The following ERCC2 variants were observed in gnomAD, a reference collection of about 807,000 sequenced individuals.
ERCC2 encodes the protein ERCC excision repair 2, TFIIH core complex helicase subunit.
In ERCC2, 90 loss-of-function variants were observed where a neutral mutation model predicts 99.4. That is an observed-to-expected ratio of 0.91 (90% CI 0.76 to 1.08). The LOEUF (loss-of-function observed/expected upper bound fraction) is 1.08, where lower values mean the gene tolerates loss of function less well. Among genes scored for constraint, ERCC2 ranks in the 50% least tolerant of loss-of-function variants. The probability of loss-of-function intolerance (pLI) is 0.00; values close to 1 mark genes in which losing one functional copy is unlikely to be tolerated. For missense variants in ERCC2, 993 were observed against 1,038.1 expected, an observed-to-expected ratio of 0.96 and a Z score of 0.60; for synonymous variants, 497 against 432.4, an observed-to-expected ratio of 1.15 and a Z score of -1.85.
chr19:45,361,939 CTTTTT>C, intron 11 of ERCC2: 1 of 382,980 alleles, frequency 2.6e-6, no homozygotes, highest in Non-Finnish European at 5.0e-6. Context: ...TTTTCTTTTT[CTTTTT>C]TTTCTTTGTT....
Position 45,364,480 on chromosome 19 carries a change from A to C in ERCC2, c.662T>G (p.Val221Gly). Reference protein sequence around the residue: ...YLLDPKIADLVSKELARKAVV... With the variant: ...YLLDPKIADLGSKELARKAVV... ...GGCCTTGCGGGCCAGTTCCTTGGAC[A>C]CCAGGTCTGCAATCTTGGGGTCCAG... The change falls in exon 8 of 23, where the codon GTG (valine) becomes GGG (glycine). Residue 221 changes from valine to glycine, a missense_variant. By Grantham distance (109) the Val-to-Gly change is moderately radical. Transcript: ENST00000391945. 6.2e-7 allele frequency: 1 copy of C among 1,613,986 alleles called. No individual in the cohort carries two copies. The highest frequency in any genetic ancestry group is 8.5e-7 in the Non-Finnish European group (1 of 1,179,976).
chr19:45,365,310 C>T (rs1045174604), intron 5 of ERCC2, 152 bp from the exon 6 acceptor site: 2 of 677,594 alleles, frequency 3.0e-6, no homozygotes, highest in Non-Finnish European at 5.3e-6. Flanking sequence ...GAACTTAATG[C>T]AGGGATACAA....
chr19:45,359,656 C>T (rs936446326), intron 12 of ERCC2, among the ~76,000 whole-genome samples: 8 of 152,210 alleles, frequency 5.3e-5, no homozygotes, highest in Non-Finnish European at 1.0e-4. Flanking sequence ...CTACCTCCCA[C>T]ATCTCTCTCC....
At position 45,351,352 on chromosome 19, in the gene ERCC2, C is replaced by G. The variant is rs561464436; in HGVS notation, c.*277G>C. On this transcript the variant is annotated 3_prime_UTR_variant, in exon 23 of 23. Transcript: ENST00000391945. ...CGCCAGCACCCAGGACCTGAGCCCC[C>G]ACTAACGTCCAGTGAACTGCGCTGG... The G allele has an allele frequency of 1.9e-6, 3 of 1,610,938 alleles. No homozygotes were observed. Among genetic ancestry groups the G allele is most frequent in the African/African-American group, 2.7e-5 (2 of 75,010 alleles).
In ERCC2 at chr19:45,352,842, G is replaced by A. The variant is rs1799788; in HGVS notation, c.1832-26C>T. On this transcript the variant is annotated intron_variant, in intron 19 of 22. Coordinates refer to ENST00000391945, the MANE Select transcript of ERCC2 (RefSeq NM_000400.4). ...CTGGTGGGCAGAGGAGAGGGGGCGAGGGGGGTTACAAGTGTGGCTGGTGGG... is the reference window on the plus strand; with the variant it reads ...CTGGTGGGCAGAGGAGAGGGGGCGAAGGGGGTTACAAGTGTGGCTGGTGGG... 91,182 of 1,609,886 alleles carry A rather than the reference G, an allele frequency of 0.057. 2,855 individuals are homozygous for A. The highest frequency in any genetic ancestry group is 0.063 in the Non-Finnish European group (74,591 of 1,176,928).
chr19:45,367,465 G>A (rs948848584), intron 5 of ERCC2, among the ~76,000 whole-genome samples: 1 of 151,638 alleles, frequency 6.6e-6, no homozygotes, highest in Non-Finnish European at 1.5e-5. Flanking sequence ...TATACATTCT[G>A]TGGGTTACCA....
At chr19:45,355,509 A>G (rs1357022849) in intron 16 of ERCC2, among the ~76,000 whole-genome samples, 156 bp downstream of exon 16, 3 of 152,220 alleles carry the variant, frequency 2.0e-5, no homozygotes, top group East Asian at 1.9e-4. Flanking sequence ...GCAGGCCCCT[A>G]CCAGCTCACA....
chr19:45,359,550 C>T (rs1342193278), intron 12 of ERCC2, among the ~76,000 whole-genome samples: 2 of 152,188 alleles, frequency 1.3e-5, no homozygotes, highest in African/African-American at 2.4e-5. Context: ...AGAATGATGT[C>T]CCTCTCTCGT....
intron 15 of ERCC2, among the ~76,000 whole-genome samples, chr19:45,356,962 GCTGA>G (rs1972033320): frequency 1.3e-5 from 2 of 152,208 alleles, no homozygotes; most frequent in South Asian, 2.1e-4. Context: ...ATGCTAAGAT[GCTGA>G]CTAAGCGCCT....
intron 19 of ERCC2, 48 bp from the exon 20 acceptor site, chr19:45,352,864 T>A: frequency 6.4e-7 from 1 of 1,560,750 alleles, no homozygotes; most frequent in Non-Finnish European, 8.8e-7. Flanking sequence ...GTGTGGCTGG[T>A]GGGACAGGGA....
At position 45,351,227 on chromosome 19, in the gene ERCC2, G is replaced by C; in HGVS notation, c.*402C>G. 1.3e-6 allele frequency: 2 copies of C among 1,591,422 alleles called. No individual in the cohort carries two copies. Among genetic ancestry groups the C allele is most frequent in the Non-Finnish European group, 1.7e-6 (2 of 1,168,736 alleles). On this transcript the variant is annotated 3_prime_UTR_variant, in exon 23 of 23. Transcript: ENST00000391945. ...TGCCAGGCTGGACCTGGAGCTGGAG[G>C]GTGGATGTAACACTTGCCCCTCACC...
chr19:45,353,245 C>T lies in ERCC2; in HGVS notation c.1755G>A (p.Gln585=). 6.2e-7 allele frequency: 1 copy of T among 1,613,924 alleles called. No homozygotes were observed. The highest frequency in any genetic ancestry group is 8.5e-7 in the Non-Finnish European group (1 of 1,179,858). Reference sequence around the variant, plus strand: ...CACGCTGGCCTCGCACACCCACCTCCTGGTACTTCTCCAGGGCGACACTGG... The same window carrying T: ...CACGCTGGCCTCGCACACCCACCTCTTGGTACTTCTCCAGGGCGACACTGG... ...AETSVALEKY[Q]EACENGRGAI... is the part of the protein sequence containing the mutation. Residue 585 remains glutamine (Q), a synonymous_variant, in exon 18 of 23, where the codon CAG becomes CAA. Transcript: ENST00000391945.
intron 15 of ERCC2, 38 bp from the exon 16 acceptor site, chr19:45,355,766 G>C: frequency 6.4e-7 from 1 of 1,568,742 alleles, no homozygotes; most frequent in Non-Finnish European, 8.8e-7. Context: ...CGAGGCAGCA[G>C]CAACTGCTCC....
chr19:45,357,655 T>C lies in ERCC2; in HGVS notation c.1282A>G (p.Ile428Val). Residue 428 changes from isoleucine to valine, a missense_variant, in exon 13 of 23, where the codon ATT becomes GTT. Ile to Val is a conservative substitution (Grantham distance 29). Coordinates refer to ENST00000391945, the MANE Select transcript of ERCC2 (RefSeq NM_000400.4). ...CTGAAGTGCAGGATGGGGTTGGCAA[T>C]GGTCGGGGTTCTGTCGTCAAAGGGC... ...IEPFDDRTPT[I>V]ANPILHFSCM... 4.3e-6 allele frequency: 7 copies of C among 1,614,006 alleles called. No homozygotes were observed. The highest frequency in any genetic ancestry group is 5.9e-6 in the Non-Finnish European group (7 of 1,180,004).
chr19:45,353,475 T>C, intron 17 of ERCC2, 141 bp from the exon 18 acceptor site: 1 of 686,132 alleles, frequency 1.5e-6, no homozygotes, highest in Non-Finnish European at 2.7e-6. Flanking sequence ...AGGGTGGAAT[T>C]GTCCAACCTC....
At chr19:45,358,745 A>G (rs1972102654) in intron 12 of ERCC2, 3 of 738,530 alleles carry the variant, frequency 4.1e-6, no homozygotes, top group Non-Finnish European at 7.6e-6. Context: ...GACATATTCC[A>G]ACACAACAAT....
chr19:45,364,571 A>C (rs755379556), intron 7 of ERCC2, 24 bp from the exon 8 acceptor site: 1 of 1,611,024 alleles, frequency 6.2e-7, no homozygotes, highest in Non-Finnish European at 8.5e-7. Context: ...GAGCAGGGTT[A>C]CCAGGGCCCT....
At chr19:45,353,956 G>C (rs988225917) in intron 17 of ERCC2, among the ~76,000 whole-genome samples, 2 of 152,214 alleles carry the variant, frequency 1.3e-5, no homozygotes, top group African/African-American at 2.4e-5. Context: ...GGTGTCTTAA[G>C]TAGGACACAA....
chr19:45,357,678 G>C lies in ERCC2; in HGVS notation c.1259C>G (p.Pro420Arg). ...AATGGTCGGGGTTCTGTCGTCAAAG[G>C]GCTCGATGATGATGGTGAAGCCTGC... Reference protein sequence around the residue: ...YAKGFTIIIEPFDDRTPTIAN... With the variant: ...YAKGFTIIIERFDDRTPTIAN... The change falls in exon 13 of 23, where the codon CCC (proline) becomes CGC (arginine). Residue 420 changes from proline (P) to arginine (R), a missense_variant. By Grantham distance (103) the Pro-to-Arg change is moderately radical. Around this residue, in one of 3 missense-constraint regions of ERCC2, gnomAD observed 909 missense variants for 930.8 expected, o/e 0.98. Coordinates refer to ENST00000391945, the MANE Select transcript of ERCC2 (RefSeq NM_000400.4). 6.2e-7 allele frequency: 1 copy of C among 1,613,964 alleles called. No individual in the cohort carries two copies. The highest frequency in any genetic ancestry group is 8.5e-7 in the Non-Finnish European group (1 of 1,180,010).
Sources: allele counts gnomAD v4.1 joint callset (sites outside exome capture counted in the v4.1 genomes callset), GRCh38; gene constraint gnomAD v4.1.1; regional missense constraint gnomAD v4.1.1; transcripts MANE v1.5; gene names NCBI Gene and HGNC (gene_info 2026-07-23, HGNC 2026-07-21).